ABHD5: variants seen among roughly 807,000 people sequenced by gnomAD.
The protein encoded by ABHD5 is 1-acylglycerol-3-phosphate O-acyltransferase ABHD5.
Under a neutral mutation model 44.9 loss-of-function variants are expected in ABHD5, and 30 were observed. The ratio of observed to expected loss-of-function variants is 0.67; its 90% CI spans 0.50 to 0.91. ABHD5 has a LOEUF of 0.91. Ranked by LOEUF, ABHD5 falls within the 40% of genes least tolerant of loss-of-function variation. The pLI is 0.00. For synonymous variants in ABHD5, 167 were observed against 147.0 expected, an observed-to-expected ratio of 1.14 and a Z score of -0.99; for missense variants, 399 against 423.4, an observed-to-expected ratio of 0.94 and a Z score of 0.50.
At position 43,722,458 on chromosome 3, in the gene ABHD5, A is replaced by G. The variant is rs574000256; in HGVS notation, c.*3926A>G. On this transcript the variant is annotated 3_prime_UTR_variant, in exon 7 of 7. Coordinates refer to ENST00000644371, the MANE Select transcript of ABHD5 (RefSeq NM_016006.6). ...TAACTAATAAAATGATCTCCTTGTT[A>G]GTGGTGGTAGGGAGCTAGACAAGGA... 2 of 152,328 alleles carry G rather than the reference A, an allele frequency of 1.3e-5. No homozygotes were observed. Among genetic ancestry groups the G allele is most frequent in the East Asian group, 3.9e-4 (2 of 5,192 alleles). 9.4% of individuals were successfully genotyped at this position (152,328 alleles called of 1,614,324 possible).
At chr3:43,728,448 T>G (rs1297432062) in intron 7 of ABHD5, among the ~76,000 whole-genome samples, 1 of 152,194 alleles carries the variant, frequency 6.6e-6, no homozygotes, top group Non-Finnish European at 1.5e-5. Context: ...CTATTCATGG[T>G]TCTCTAAAGC....
At chr3:43,704,497 G>A (rs985637029) in intron 3 of ABHD5, among the ~76,000 whole-genome samples, 3 of 152,182 alleles carry the variant, frequency 2.0e-5, no homozygotes, top group African/African-American at 7.2e-5. Context: ...TATTATGTCT[G>A]TGTCTGTCTT....
chr3:43,724,392 A>C (rs960255373), downstream of ABHD5, among the ~76,000 whole-genome samples: 1 of 152,172 alleles, frequency 6.6e-6, no homozygotes, highest in Non-Finnish European at 1.5e-5. Context: ...CCCTTTGACA[A>C]GTCATTTCAC....
intron 3 of ABHD5, among the ~76,000 whole-genome samples, chr3:43,703,127 T>C (rs1313023532): frequency 6.6e-6 from 1 of 152,150 alleles, no homozygotes; most frequent in African/African-American, 2.4e-5. Context: ...TTATAAAACA[T>C]TGAATTAATG....
intron 5 of ABHD5, among the ~76,000 whole-genome samples, chr3:43,716,564 CTTT>C (rs1196287306): frequency 1.3e-5 from 2 of 152,046 alleles, no homozygotes; most frequent in Non-Finnish European, 2.9e-5. Flanking sequence ...TAGCCTCAGT[CTTT>C]TTAATAAAGT....
chr3:43,724,620 G>A (rs904573037), downstream of ABHD5, among the ~76,000 whole-genome samples: 1 of 152,126 alleles, frequency 6.6e-6, no homozygotes. Flanking sequence ...AAAGACTGAG[G>A]TAGATCTCTA....
intron 3 of ABHD5, among the ~76,000 whole-genome samples, chr3:43,710,471 T>A (rs925796333): frequency 6.6e-6 from 1 of 152,226 alleles, no homozygotes; most frequent in African/African-American, 2.4e-5. Context: ...TGTTAACTAA[T>A]GTTATGTACC....
At chr3:43,727,653 AG>A (rs2084886723), downstream of ABHD5, among the ~76,000 whole-genome samples, 1 of 152,178 alleles carries the variant, frequency 6.6e-6, no homozygotes, top group Non-Finnish European at 1.5e-5. Flanking sequence ...CTTGTTGCCA[AG>A]GCTGGAGTGC....
intron 6 of ABHD5, among the ~76,000 whole-genome samples, 155 bp downstream of exon 6, chr3:43,718,012 G>A (rs1055403925): frequency 6.6e-6 from 1 of 152,140 alleles, no homozygotes; most frequent in African/African-American, 2.4e-5. Context: ...GATGGGTGCA[G>A]GGTTTGGCCT....
At chr3:43,691,151 G>A (rs1312281603) in intron 1 of ABHD5, 112 bp downstream of exon 1, 3 of 1,130,920 alleles carry the variant, frequency 2.7e-6, no homozygotes, top group South Asian at 4.9e-5. Context: ...TGGCGACGAC[G>A]GGCGGCTTCC....
At position 43,711,795 on chromosome 3, in the gene ABHD5, T is replaced by TC. The variant is rs387906335; in HGVS notation, c.594dup (p.Arg199GlnfsTer11). On this transcript the variant is annotated frameshift_variant, in exon 4 of 7. Transcript: ENST00000644371. LOFTEE classifies it high-confidence loss of function. ...CAAGACAGACCAATTCCAGTTTGGA[T>TC]CAGAGCCTTGGGAGCAGCATTGACT... 6.2e-7 allele frequency: 1 copy of TC among 1,614,198 alleles called. No individual in the cohort carries two copies.
intron 3 of ABHD5, among the ~76,000 whole-genome samples, chr3:43,709,822 A>G (rs767986701): frequency 1.1e-4 from 17 of 152,168 alleles, no homozygotes; most frequent in Non-Finnish European, 2.2e-4. Flanking sequence ...AGGTGGGCAG[A>G]TCACGAGGTC....
intron 5 of ABHD5, among the ~76,000 whole-genome samples, chr3:43,715,533 G>T (rs1284424466): frequency 6.6e-6 from 1 of 152,180 alleles, no homozygotes; most frequent in Admixed American, 6.5e-5. Flanking sequence ...AAAAGGACAA[G>T]TGTCTAATAC....
At chr3:43,692,303 C>T (rs1032028947) in intron 1 of ABHD5, among the ~76,000 whole-genome samples, 4 of 152,198 alleles carry the variant, frequency 2.6e-5, no homozygotes, top group African/African-American at 9.7e-5. Context: ...TGAACTTCCT[C>T]GTTGCACTGA....
intron 3 of ABHD5, among the ~76,000 whole-genome samples, chr3:43,705,692 T>C (rs1417655979): frequency 6.6e-6 from 1 of 152,188 alleles, no homozygotes; most frequent in African/African-American, 2.4e-5. Flanking sequence ...TCTCCCTAGC[T>C]TTTTTCCTTC....
chr3:43,720,052 A>G lies in ABHD5; in HGVS notation c.*1520A>G, dbSNP rs535409380. The G allele has an allele frequency of 2.6e-5, 4 of 152,338 alleles. No individual in the cohort carries two copies. In the East Asian group the frequency reaches 7.7e-4, roughly 29 times the overall value. The allele number at this position is 152,338 out of a possible 1,614,324, so 9.4% of individuals were successfully genotyped here. A position where few individuals can be genotyped will look rare whatever the true frequency, so the allele number is the denominator to read the frequency against. ...ACAAATTATACTGAAGCATGATATA[A>G]ACATCTTCCCAATGAACAATTTGTC... On this transcript the variant is annotated 3_prime_UTR_variant, in exon 7 of 7. Transcript: ENST00000644371.
At chr3:43,730,158 T>C (rs567569235) in intron 7 of ABHD5, among the ~76,000 whole-genome samples, 2 of 152,368 alleles carry the variant, frequency 1.3e-5, no homozygotes, top group Non-Finnish European at 2.9e-5. Flanking sequence ...GGTACACTTA[T>C]TTCACAGAGG....
At chr3:43,701,326 A>G (rs2084539605) in intron 2 of ABHD5, among the ~76,000 whole-genome samples, 1 of 152,210 alleles carries the variant, frequency 6.6e-6, no homozygotes. Context: ...CTTTGCTGCC[A>G]CTATGTGGAT....
Position 43,728,825 on chromosome 3 carries a change from C to G in ABHD5, c.*30-5055C>G, listed in dbSNP as rs542345698. ...GCGCCTAGAGTGGACACCAGTGAGC[C>G]TTACACGTAAAGCCTGCGTGCTTCC... is the stretch of plus-strand genomic sequence containing the variant. On this transcript the variant is annotated intron_variant, in intron 7 of 7. Coordinates refer to the ABHD5 transcript ENST00000454293. Among the ~76,000 whole-genome samples the G allele has an allele frequency of 1.4e-3, 207 of 152,278 alleles. 2 individuals carry two copies. The highest frequency in any genetic ancestry group is 4.8e-3 in the African/African-American group (198 of 41,556).
Sources: allele counts gnomAD v4.1 joint callset (sites outside exome capture counted in the v4.1 genomes callset), GRCh38; gene constraint gnomAD v4.1.1; transcripts MANE v1.5; gene names NCBI Gene and HGNC (gene_info 2026-07-23, HGNC 2026-07-21).